Variants in UBFD1 observed in about 807,000 individuals in gnomAD.
UBFD1 encodes the protein ubiquitin family domain containing 1.
A neutral mutation model predicts 35.1 loss-of-function variants in UBFD1; 12 were observed. The observed-to-expected ratio is 0.34, with a 90% CI of 0.22 to 0.55. UBFD1 has a LOEUF of 0.55. Among genes scored for constraint, UBFD1 ranks in the 20% least tolerant of loss-of-function variants. UBFD1 has a pLI of 0.89. For synonymous variants in UBFD1, 178 were observed against 167.6 expected (o/e 1.06, Z -0.48); for missense variants, 337 against 410.8 (o/e 0.82, Z 1.55).
chr16:23,561,358 C>T (rs767123009), intron 3 of UBFD1, among the ~76,000 whole-genome samples: 1 of 152,162 alleles, frequency 6.6e-6, no homozygotes, highest in Non-Finnish European at 1.5e-5. Flanking sequence ...CATTCATTGT[C>T]CCCTAGTTCC....
chr16:23,570,542 T>C lies in UBFD1; in HGVS notation c.882T>C (p.Tyr294=), dbSNP rs1018199596. ...GGGTGTACTGGGTTCCAACTCAATATGTGGATGCAATCAAAGACACTGTGC... is the reference window on the plus strand; with the variant it reads ...GGGTGTACTGGGTTCCAACTCAATACGTGGATGCAATCAAAGACACTGTGC... The part of the protein sequence containing the change: ...YYWVYWVPTQ[Y]VDAIKDTVLG... Residue 294 remains tyrosine, a synonymous_variant, in exon 7 of 7, where the codon TAT becomes TAC. Transcript: ENST00000395878. 2.5e-6 allele frequency: 4 copies of C among 1,614,082 alleles called. No individual in the cohort carries two copies. The Admixed American group carries it at 5.0e-5, about 20-fold the overall frequency.
At chr16:23,559,437 T>C in intron 2 of UBFD1, 31 bp from the exon 3 acceptor site, 2 of 1,597,656 alleles carry the variant, frequency 1.3e-6, no homozygotes, top group Non-Finnish European at 1.7e-6. Flanking sequence ...CCTTCCTTCC[T>C]TTCACTGTCC....
Position 23,571,146 on chromosome 16 carries a change from G to T in UBFD1, c.*556G>T, listed in dbSNP as rs532569453. On this transcript the variant is annotated 3_prime_UTR_variant, in exon 7 of 7. Transcript: ENST00000395878. ...AATTCTTTCCCTTTTTCATTCTCTC[G>T]CTTCCTCAATTTGAGTTTTTGTTTT... 2 of 152,030 alleles carry T rather than the reference G, an allele frequency of 1.3e-5. No homozygotes were observed. The highest frequency in any genetic ancestry group is 4.2e-4 in the South Asian group (2 of 4,806). The allele number at this position is 152,030 out of a possible 1,614,324, so 9.4% of individuals were successfully genotyped here.
At chr16:23,567,139 A>G (rs1223363796) in intron 6 of UBFD1, 70 bp downstream of exon 6, 91 of 1,446,170 alleles carry the variant, frequency 6.3e-5, no homozygotes, top group Non-Finnish European at 5.8e-6. Flanking sequence ...AACAGTTTTA[A>G]CTGAGCTTGT....
intron 5 of UBFD1, chr16:23,564,511 T>A (rs1465493302): frequency 1.3e-5 from 2 of 152,244 alleles, no homozygotes; most frequent in Non-Finnish European, 2.9e-5. Context: ...ATCTTCCCTT[T>A]ATCAGTAGTA....
chr16:23,567,741 G>A (rs897382221), intron 6 of UBFD1, among the ~76,000 whole-genome samples: 6 of 152,264 alleles, frequency 3.9e-5, no homozygotes, highest in African/African-American at 2.4e-5. Flanking sequence ...CATTGACCAC[G>A]AAGTTGATTC....
chr16:23,567,800 G>A (rs1411449741), intron 6 of UBFD1, among the ~76,000 whole-genome samples: 2 of 152,280 alleles, frequency 1.3e-5, no homozygotes, highest in Admixed American at 6.5e-5. Flanking sequence ...ATGTGAGGGC[G>A]GGGCCTCCGG....
At chr16:23,561,823 AT>A (rs5816219) in intron 3 of UBFD1, 5,853 of 142,528 alleles carry the variant, frequency 0.041, 139 homozygotes, top group African/African-American at 0.087. Context: ...TTCAGTGGTG[AT>A]TTTTTTTTTT....
chr16:23,562,754 C>T (rs756378678), intron 5 of UBFD1, 24 bp downstream of exon 5: 6 of 1,600,786 alleles, frequency 3.7e-6, no homozygotes, highest in Non-Finnish European at 4.3e-6. Flanking sequence ...CGCCTCCTTG[C>T]TGGCCCACTG....
rs1966071073 is a variant in UBFD1, at chr16:23,570,674, A to C, written c.*84A>C. 8.7e-7 allele frequency: 1 copy of C among 1,155,690 alleles called. No individual in the cohort carries two copies. The highest frequency in any genetic ancestry group is 1.3e-6 in the Non-Finnish European group (1 of 784,186). 71.6% of individuals were successfully genotyped at this position (1,155,690 alleles called of 1,614,324 possible). A position where few individuals can be genotyped will look rare whatever the true frequency, so the allele number is the denominator to read the frequency against. ...GGCCTGCAGCATCCCTGGATTTCAG[A>C]GTTCTGGAACTTTGTTCATAAAAAA... On this transcript the variant is annotated 3_prime_UTR_variant, in exon 7 of 7. Transcript: ENST00000395878.
intron 4 of UBFD1, 79 bp downstream of exon 4, chr16:23,562,350 C>T (rs2142214208): frequency 3.0e-6 from 4 of 1,350,826 alleles, no homozygotes; most frequent in Non-Finnish European, 4.1e-6. Context: ...AATCCTGTCC[C>T]TTCTCTTTTT....
chr16:23,558,416 G>A, intron 2 of UBFD1, 137 bp downstream of exon 2: 3 of 1,116,470 alleles, frequency 2.7e-6, no homozygotes, highest in Non-Finnish European at 3.7e-6. Flanking sequence ...ATACTTGGAT[G>A]CCCATTACTC....
At chr16:23,562,451 A>G (rs2142214331) in intron 4 of UBFD1, among the ~76,000 whole-genome samples, 174 bp from the exon 5 acceptor site, 1 of 151,112 alleles carries the variant, frequency 6.6e-6, no homozygotes, top group South Asian at 2.1e-4. Context: ...TATTTTTAGT[A>G]GAGACGGGGT....
At chr16:23,559,900 A>T in intron 3 of UBFD1, 1 of 1,518,968 alleles carries the variant, frequency 6.6e-7, no homozygotes, top group Non-Finnish European at 8.8e-7. Context: ...CTACTTTAGG[A>T]TAAGACCTTG....
chr16:23,572,522 ATC>A lies in UBFD1; in HGVS notation c.*1937_*1938del, dbSNP rs1966099146. ...TGACAGTGCCGCACACCTACTTTTG[ATC>A]TCTCAGAGCAGGTGGCTCCATCCCC... On this transcript the variant is annotated 3_prime_UTR_variant, in exon 7 of 7. Coordinates refer to ENST00000395878, the MANE Select transcript of UBFD1 (RefSeq NM_019116.3). 1 of 152,984 alleles carries A rather than the reference ATC, an allele frequency of 6.5e-6. No individual in the cohort carries two copies. The highest frequency in any genetic ancestry group is 1.5e-5 in the Non-Finnish European group (1 of 68,026). 9.5% of individuals were successfully genotyped at this position (152,984 alleles called of 1,614,324 possible). A position where few individuals can be genotyped will look rare whatever the true frequency, so the allele number is the denominator to read the frequency against.
intron 3 of UBFD1, among the ~76,000 whole-genome samples, chr16:23,560,814 G>A (rs754235676): frequency 1.2e-4 from 19 of 152,170 alleles, no homozygotes; most frequent in Admixed American, 2.0e-4. Context: ...TTATCTAAAA[G>A]GTGTTGATTT....
At chr16:23,562,321 T>A in intron 4 of UBFD1, 50 bp downstream of exon 4, 3 of 1,566,888 alleles carry the variant, frequency 1.9e-6, no homozygotes, top group Non-Finnish European at 2.6e-6. Context: ...AGCCCCACCG[T>A]CTGACTTGAG....
At position 23,559,605 on chromosome 16, in the gene UBFD1, A is replaced by C; in HGVS notation, c.493A>C (p.Thr165Pro). 1 of 1,614,254 alleles carries C rather than the reference A, an allele frequency of 6.2e-7. No individual in the cohort carries two copies. The highest frequency in any genetic ancestry group is 8.5e-7 in the Non-Finnish European group (1 of 1,180,046). ...CATCAATGATGTTTTAGCAGTAAAC[A>C]CACCCAAAGATGCTGCGCAGCAGGA... is the stretch of plus-strand genomic sequence containing the variant. ...STINDVLAVN[T>P]PKDAAQQDAK... is the part of the protein sequence containing the mutation. Residue 165 changes from threonine (T) to proline (P), a missense_variant, in exon 3 of 7, where the codon ACA (threonine) becomes CCA (proline). Thr to Pro is a conservative substitution (Grantham distance 38, BLOSUM62 -1). This residue lies in a region of UBFD1 where 44 missense variants were observed against 39.2 expected (regional missense o/e 1.12). Coordinates refer to ENST00000395878, the MANE Select transcript of UBFD1 (RefSeq NM_019116.3).
rs1966110285 is a variant in UBFD1 at position 23,573,229 on chromosome 16, T to A, written c.*2639T>A. The A allele has an allele frequency of 6.6e-6, 1 of 152,110 alleles. No individual in the cohort carries two copies. Among genetic ancestry groups the A allele is most frequent in the African/African-American group, 2.4e-5 (1 of 41,430 alleles). The allele number at this position is 152,110 out of a possible 1,614,324, so 9.4% of individuals were successfully genotyped here. A position where few individuals can be genotyped will look rare whatever the true frequency, so the allele number is the denominator to read the frequency against. ...CCGTGCAGGTGGATAAAGGAAGAGCTGGTTTCCGGAGAGTGACTGTAACAG... is the reference window on the plus strand; with the variant it reads ...CCGTGCAGGTGGATAAAGGAAGAGCAGGTTTCCGGAGAGTGACTGTAACAG... On this transcript the variant is annotated 3_prime_UTR_variant, in exon 7 of 7. Coordinates refer to ENST00000395878, the MANE Select transcript of UBFD1 (RefSeq NM_019116.3).
Sources: gnomAD v4.1 joint callset for allele counts (sites outside exome capture counted in the v4.1 genomes callset) on GRCh38, gnomAD v4.1.1 for gene constraint, gnomAD v4.1.1 regional missense constraint, MANE v1.5 for transcripts, NCBI Gene and HGNC (gene_info 2026-07-23, HGNC 2026-07-21) for gene names.